The following CRYBG2 variants were observed in gnomAD, a reference collection of about 807,000 sequenced individuals.
CRYBG2 encodes crystallin beta-gamma domain containing 2.
CRYBG2 carries 106 observed loss-of-function variants against 153.4 expected under a neutral mutation model. The ratio of observed to expected loss-of-function variants is 0.69; its 90% CI spans 0.59 to 0.81. CRYBG2 has a LOEUF of 0.81. CRYBG2 is among the 30% of genes least tolerant of loss of function. CRYBG2 has a pLI of 0.00. For missense variants in CRYBG2, 1,996 were observed against 2,112.0 expected, an observed-to-expected ratio of 0.95 and a Z score of 1.08; for synonymous variants, 851 against 877.8, an observed-to-expected ratio of 0.97 and a Z score of 0.54.
In CRYBG2 at chr1:26,346,128, G is replaced by T. The variant is rs1570210328; in HGVS notation, c.530C>A (p.Thr177Asn). The change falls in exon 2 of 20, where the codon ACT (threonine) becomes AAT (asparagine). Residue 177 changes from threonine (T) to asparagine (N), a missense_variant. By Grantham distance (65) the Thr-to-Asn change is moderately conservative (BLOSUM62 0). Coordinates refer to ENST00000308182, the MANE Select transcript of CRYBG2 (RefSeq NM_001039775.4). This position sits in a 1 kb window ranked among gnomAD's most constrained non-coding sequence, Gnocchi z 4.9. ...TCCCACCACTGTGGTGGTCCGCACA[G>T]TGCGTGTCACTCGGTATTCCTCGAG... ...RSLEEYRVTRTVRTTTVVGGH... is the reference protein window; with the variant it reads ...RSLEEYRVTRNVRTTTVVGGH... 3 of 1,563,084 alleles carry T rather than the reference G, an allele frequency of 1.9e-6. No individual in the cohort carries two copies. The highest frequency in any genetic ancestry group is 2.3e-5 in the East Asian group (1 of 44,402).
In CRYBG2 at chr1:26,345,517, C is replaced by A; in HGVS notation, c.1141G>T (p.Ala381Ser). 6.3e-7 allele frequency: 1 copy of A among 1,595,878 alleles called. No homozygotes were observed. The highest frequency in any genetic ancestry group is 8.5e-7 in the Non-Finnish European group (1 of 1,169,840). Residue 381 changes from alanine to serine, a missense_variant, in exon 2 of 20, where the codon GCC becomes TCC. By Grantham distance (99) the Ala-to-Ser change is moderately conservative. Transcript: ENST00000308182. ...KQPVVPTHPG[A>S]RLTPLVLPPK... Reference sequence around the variant, plus strand: ...GGCAGAACAAGGGGAGTGAGCCGGGCCCCGGGGTGAGTGGGCACCACAGGC... The same window carrying A: ...GGCAGAACAAGGGGAGTGAGCCGGGACCCGGGGTGAGTGGGCACCACAGGC...
chr1:26,335,198 C>T (rs2074039981), intron 14 of CRYBG2, among the ~76,000 whole-genome samples: 1 of 151,974 alleles, frequency 6.6e-6, no homozygotes, highest in African/African-American at 2.4e-5. Flanking sequence ...CTGGGGTCGC[C>T]GGGCGCAGTG....
rs548601885 is a variant in CRYBG2 at position 26,336,446 on chromosome 1, T to C, written c.4039-76A>G. ...TTGTCTTCTCTAGGTTTCAGTACCG[T>C]CCACCCCGCGGCCGCGCCCTCGGCC... is the stretch of plus-strand genomic sequence containing the variant. On this transcript the variant is annotated intron_variant, in intron 12 of 19. Coordinates refer to ENST00000308182, the MANE Select transcript of CRYBG2 (RefSeq NM_001039775.4). The surrounding 1 kb of genome is among the most constrained non-coding windows in gnomAD (Gnocchi z 4.9). 1 of 1,577,312 alleles carries C rather than the reference T, an allele frequency of 6.3e-7. No homozygotes were observed. The highest frequency in any genetic ancestry group is 1.2e-5 in the South Asian group (1 of 86,418).
At chr1:26,339,538 A>G in intron 5 of CRYBG2, 109 bp from the exon 6 acceptor site, 1 of 1,209,448 alleles carries the variant, frequency 8.3e-7, no homozygotes, top group Non-Finnish European at 1.2e-6. Context: ...ACCTGAGGTC[A>G]GCAGTTCGAG....
intron 1 of CRYBG2, among the ~76,000 whole-genome samples, chr1:26,349,184 A>T (rs965228035): frequency 2.0e-5 from 3 of 151,714 alleles, no homozygotes; most frequent in Non-Finnish European, 4.4e-5. Context: ...TAAAATTTTA[A>T]AAAAAAAGTA....
In CRYBG2 at chr1:26,337,431, G is replaced by A. The variant is rs367768672; in HGVS notation, c.3645-52C>T. The A allele has an allele frequency of 1.3e-5, 21 of 1,603,866 alleles. No homozygotes were observed. In the African/African-American group the frequency reaches 2.3e-4, roughly 17 times the overall value. On this transcript the variant is annotated intron_variant, in intron 9 of 19. Coordinates refer to ENST00000308182, the MANE Select transcript of CRYBG2 (RefSeq NM_001039775.4). ...CAGGTTCAGTCATAGGAGGCCCATG[G>A]ATGAATGAGACAGCTGTCCCCACCC...
chr1:26,349,077 G>A (rs2074258012), intron 1 of CRYBG2, among the ~76,000 whole-genome samples: 1 of 151,938 alleles, frequency 6.6e-6, no homozygotes, highest in Non-Finnish European at 1.5e-5. Flanking sequence ...GCTGAGGTAG[G>A]AGAATCGCTT....
intron 14 of CRYBG2, among the ~76,000 whole-genome samples, chr1:26,334,937 CAAAA>C (rs1478778713): frequency 2.1e-4 from 29 of 141,042 alleles, no homozygotes; most frequent in African/African-American, 7.0e-4. Flanking sequence ...AACAAACAAA[CAAAA>C]CAAACAAACA....
At chr1:26,324,404 C>T in intron 17 of CRYBG2, 94 bp from the exon 18 acceptor site, 1 of 1,330,086 alleles carries the variant, frequency 7.5e-7, no homozygotes, top group Non-Finnish European at 1.0e-6. Flanking sequence ...GTATCAGGCT[C>T]CCAAGCCCTC....
rs897810887 is a variant in CRYBG2, at chr1:26,344,976, G to A, written c.1682C>T (p.Thr561Ile). 17 of 1,511,298 alleles carry A rather than the reference G, an allele frequency of 1.1e-5. No individual in the cohort carries two copies. The highest frequency in any genetic ancestry group is 2.8e-5 in the African/African-American group (2 of 70,954). 93.6% of individuals were successfully genotyped at this position (1,511,298 alleles called of 1,614,324 possible). ...AGACCCCTGCACCACCTCCTTCTGG[G>A]TGGGGGATGAGGCAGCAGGAGCACC... Reference protein sequence around the residue: ...GPGAPAASSPTQKEVVQGSGA... With the variant: ...GPGAPAASSPIQKEVVQGSGA... Residue 561 changes from threonine (T) to isoleucine (I), a missense_variant, in exon 2 of 20, where the codon ACC becomes ATC. Thr to Ile is a moderately conservative substitution (Grantham distance 89). Transcript: ENST00000308182.
At chr1:26,330,224 C>T (rs2073982947) in intron 15 of CRYBG2, among the ~76,000 whole-genome samples, 1 of 152,146 alleles carries the variant, frequency 6.6e-6, no homozygotes, top group African/African-American at 2.4e-5. Flanking sequence ...CTTCAACAAC[C>T]CTATAAGGTA....
At chr1:26,342,729 C>A in intron 5 of CRYBG2, 25 bp downstream of exon 5, 1 of 1,608,498 alleles carries the variant, frequency 6.2e-7, no homozygotes, top group Non-Finnish European at 8.5e-7. Flanking sequence ...CACTCGAGGC[C>A]GTCTCCCACC....
chr1:26,337,753 G>A (rs748005345), intron 8 of CRYBG2, 79 bp from the exon 9 acceptor site: 223 of 1,548,102 alleles, frequency 1.4e-4, no homozygotes, highest in Middle Eastern at 3.5e-4. Flanking sequence ...CCCAGCATCA[G>A]GCCAATGTGG....
rs189498743 is a variant in CRYBG2, at chr1:26,343,401, G to A, written c.2914-108C>T. 9.3e-5 allele frequency: 121 copies of A among 1,301,096 alleles called. 1 individual carries two copies. In the African/African-American group the frequency reaches 1.2e-3, roughly 13 times the overall value. 80.6% of individuals were successfully genotyped at this position (1,301,096 alleles called of 1,614,324 possible). A position where few individuals can be genotyped will look rare whatever the true frequency, so the allele number is the denominator to read the frequency against. ...ACATCCTCCCTATTAACCTCCACCC[G>A]CAAGGAGCTGGCGCATAGAGGATGC... On this transcript the variant is annotated intron_variant, in intron 2 of 19. Transcript: ENST00000308182. The surrounding 1 kb of genome is among the most constrained non-coding windows in gnomAD (Gnocchi z 4.1).
In CRYBG2 at chr1:26,329,269, C is replaced by T. The variant is rs535355819; in HGVS notation, c.4315-396G>A. On this transcript the variant is annotated intron_variant, in intron 15 of 19. Transcript: ENST00000308182. Reference sequence around the variant, plus strand: ...TTGGCTCACTGCAACCTCTGCCTCCCGGGTTCAAACAATTCTTCTGCCTCA... The same window carrying T: ...TTGGCTCACTGCAACCTCTGCCTCCTGGGTTCAAACAATTCTTCTGCCTCA... 7.3e-5 allele frequency among the ~76,000 whole-genome samples: 11 copies of T among 151,336 alleles called. No individual in the cohort carries two copies. The East Asian group carries it at 9.7e-4, about 13-fold the overall frequency.
chr1:26,350,269 G>T (rs890289954), intron 1 of CRYBG2, among the ~76,000 whole-genome samples: 4 of 152,240 alleles, frequency 2.6e-5, no homozygotes, highest in African/African-American at 9.6e-5. Flanking sequence ...TCCAGGTTCA[G>T]GTATTCCATT....
intron 18 of CRYBG2, among the ~76,000 whole-genome samples, chr1:26,323,181 C>G (rs942248269): frequency 6.6e-6 from 1 of 151,538 alleles, no homozygotes; most frequent in Non-Finnish European, 1.5e-5. Context: ...CCTGGGCTCA[C>G]GTAATCCTCC....
At chr1:26,342,728 C>T in intron 5 of CRYBG2, 26 bp downstream of exon 5, 16 of 1,608,038 alleles carry the variant, frequency 1.0e-5, no homozygotes, top group Non-Finnish European at 1.4e-5. Context: ...GCACTCGAGG[C>T]CGTCTCCCAC....
At position 26,346,202 on chromosome 1, in the gene CRYBG2, C is replaced by G. The variant is rs1266505310; in HGVS notation, c.456G>C (p.Glu152Asp). ...GACCTACACCTGGGTGGGGACTTGG[C>G]TCTCGGGGCCCAGGCAGGGGAACCA... ...ELLVPLPGPREPSPHPGVGLT... is the reference protein window; with the variant it reads ...ELLVPLPGPRDPSPHPGVGLT... Residue 152 changes from glutamate to aspartate, a missense_variant, in exon 2 of 20, where the codon GAG (glutamate) becomes GAC (aspartate). Coordinates refer to ENST00000308182, the MANE Select transcript of CRYBG2 (RefSeq NM_001039775.4). This position sits in a 1 kb window ranked among gnomAD's most constrained non-coding sequence, Gnocchi z 4.9. The G allele has an allele frequency of 6.4e-7, 1 of 1,571,676 alleles. No individual in the cohort carries two copies. Among genetic ancestry groups the G allele is most frequent in the Admixed American group, 1.8e-5 (1 of 57,044 alleles).
Sources: allele counts gnomAD v4.1 joint callset (sites outside exome capture counted in the v4.1 genomes callset), GRCh38; gene constraint gnomAD v4.1.1; non-coding constraint Gnocchi (gnomAD v3.1); transcripts MANE v1.5; gene names NCBI Gene and HGNC (gene_info 2026-07-23, HGNC 2026-07-21).